DOCK4: variants seen among roughly 807,000 people sequenced by gnomAD.
DOCK4 encodes dedicator of cytokinesis protein 4.
In DOCK4, 97 loss-of-function variants were observed where a neutral mutation model predicts 268.1. That is an observed-to-expected ratio of 0.36 (90% CI 0.31 to 0.43). The LOEUF is 0.43. Ranked by LOEUF, DOCK4 falls within the 20% of genes least tolerant of loss-of-function variation. The pLI is 1.00. For missense variants in DOCK4, 2,145 were observed against 2,455.7 expected (o/e 0.87, Z 2.67); for synonymous variants, 954 against 887.2 (o/e 1.08, Z -1.34).
chr7:111,917,625 G>A (rs893367225), intron 12 of DOCK4, among the ~76,000 whole-genome samples: 54 of 151,996 alleles, frequency 3.6e-4, no homozygotes, highest in African/African-American at 1.3e-3. Context: ...AGAATGGCGT[G>A]GGCCCGGGAG....
intron 1 of DOCK4, among the ~76,000 whole-genome samples, chr7:112,108,993 A>G (rs1313719990): frequency 2.6e-5 from 4 of 152,116 alleles, no homozygotes; most frequent in Non-Finnish European, 5.9e-5. Context: ...GGAGGAGAGC[A>G]GCCATGGAGA....
At position 111,871,984 on chromosome 7, in the gene DOCK4, C is replaced by T. The variant is rs770591223; in HGVS notation, c.2027+6G>A. Reference sequence around the variant, plus strand: ...TCTAAACTAATTACAAGATACAGGGCCTTACCTGTATGCAAGTGCCCCAGC... The same window carrying T: ...TCTAAACTAATTACAAGATACAGGGTCTTACCTGTATGCAAGTGCCCCAGC... On this transcript the variant is annotated splice_donor_region_variant and intron_variant, in intron 20 of 52. Transcript: ENST00000428084. 5.2e-6 allele frequency: 8 copies of T among 1,543,552 alleles called. No individual in the cohort carries two copies. Among genetic ancestry groups the T allele is most frequent in the African/African-American group, 4.1e-5 (3 of 72,842 alleles).
chr7:111,922,792 A>G (rs971391866), intron 12 of DOCK4, among the ~76,000 whole-genome samples: 5 of 151,912 alleles, frequency 3.3e-5, no homozygotes, highest in Admixed American at 6.6e-5. Flanking sequence ...CGTGTTAGCC[A>G]GTATGGTCTC....
At position 111,867,990 on chromosome 7, in the gene DOCK4, C is replaced by T; in HGVS notation, c.2274G>A (p.Gln758=). The change falls in exon 22 of 53, where the codon CAG becomes CAA. Residue 758 remains glutamine, a synonymous_variant. Coordinates refer to ENST00000428084, the MANE Select transcript of DOCK4 (RefSeq NM_001363540.2). ...ATAGATGAAAAGAAATTACCTGTGA[C>T]TGAGATAATGCTCCAGACCCTTTGC... The part of the protein sequence containing the change: ...QESKGSGALS[Q]SQAVFLSSFP... 6.3e-7 allele frequency: 1 copy of T among 1,594,984 alleles called. No homozygotes were observed. Among genetic ancestry groups the T allele is most frequent in the Non-Finnish European group, 8.5e-7 (1 of 1,173,054 alleles).
chr7:111,799,547 T>C (rs957308767), intron 30 of DOCK4, among the ~76,000 whole-genome samples: 1 of 152,152 alleles, frequency 6.6e-6, no homozygotes, highest in Non-Finnish European at 1.5e-5. Context: ...TCTGGATACA[T>C]CACATTCAAG....
intron 16 of DOCK4, among the ~76,000 whole-genome samples, chr7:111,887,754 T>TA (rs527512896): frequency 2.6e-5 from 3 of 117,498 alleles, no homozygotes; most frequent in South Asian, 4.7e-4. Flanking sequence ...GGTGCCTATT[T>TA]AAAAAAAATT....
chr7:111,899,083 G>T (rs1396394990), intron 15 of DOCK4, among the ~76,000 whole-genome samples: 1 of 152,146 alleles, frequency 6.6e-6, no homozygotes. Flanking sequence ...TCCTTTACAT[G>T]AAACTCTTCT....
intron 10 of DOCK4, among the ~76,000 whole-genome samples, chr7:111,941,493 A>G (rs1002648114): frequency 6.6e-5 from 10 of 152,202 alleles, no homozygotes; most frequent in African/African-American, 2.4e-4. Flanking sequence ...TTAGGATGAA[A>G]TATTAATATG....
At chr7:111,783,034 G>C (rs117436533) in intron 34 of DOCK4, 110 bp from the exon 35 acceptor site, 26 of 865,442 alleles carry the variant, frequency 3.0e-5, no homozygotes, top group Middle Eastern at 2.4e-4. Context: ...AAAAAAAAAA[G>C]AAGCCACTTT....
intron 42 of DOCK4, among the ~76,000 whole-genome samples, chr7:111,751,730 C>T (rs1266086004): frequency 6.6e-6 from 1 of 152,122 alleles, no homozygotes; most frequent in Admixed American, 6.5e-5. Context: ...CAGGTATGAG[C>T]CGCCATGCCT....
At chr7:112,018,171 A>AAAAAAAAAAAAAAAAAAAAAAAAAAAAAG (rs1802004941) in intron 1 of DOCK4, among the ~76,000 whole-genome samples, 1 of 136,906 alleles carries the variant, frequency 7.3e-6, no homozygotes, top group Non-Finnish European at 1.6e-5. Flanking sequence ...AAAAAAAAAA[A>AAAAAAAAAAAAAAAAAAAAAAAAAAAAAG]AAAAAAAAAC....
intron 6 of DOCK4, 65 bp from the exon 7 acceptor site, chr7:111,984,455 G>A (rs539177656): frequency 1.4e-6 from 2 of 1,413,854 alleles, no homozygotes; most frequent in Non-Finnish European, 2.0e-6. Context: ...AAAAACAATT[G>A]GTTTTTTACT....
intron 12 of DOCK4, among the ~76,000 whole-genome samples, chr7:111,926,812 G>A (rs888263486): frequency 2.7e-5 from 4 of 148,394 alleles, no homozygotes; most frequent in East Asian, 2.0e-4. Flanking sequence ...CCAGCCTGGC[G>A]ACAGCGTGAG....
At position 111,767,088 on chromosome 7, in the gene DOCK4, T is replaced by C; in HGVS notation, c.3859A>G (p.Lys1287Glu). 3 of 1,613,770 alleles carry C rather than the reference T, an allele frequency of 1.9e-6. No homozygotes were observed. The highest frequency in any genetic ancestry group is 2.5e-6 in the Non-Finnish European group (3 of 1,179,822). ...TAACTCTCATACTGCTCTGCAATCTTCCGGCACAAGATAATGCCATTCTCC... is the reference window on the plus strand; with the variant it reads ...TAACTCTCATACTGCTCTGCAATCTCCCGGCACAAGATAATGCCATTCTCC... ...CWENGIILCR[K>E]IAEQYESYYD... The change falls in exon 38 of 53, where the codon AAG becomes GAG. Residue 1287 changes from lysine (K) to glutamate (E), a missense_variant. Physicochemically the swap from Lys to Glu is moderately conservative, Grantham distance 56. Coordinates refer to ENST00000428084, the MANE Select transcript of DOCK4 (RefSeq NM_001363540.2).
At chr7:111,839,143 CT>C (rs1467987977) in intron 25 of DOCK4, among the ~76,000 whole-genome samples, 1 of 152,178 alleles carries the variant, frequency 6.6e-6, no homozygotes, top group African/African-American at 2.4e-5. Context: ...ACTCATCTTC[CT>C]TCTGCTCAGA....
chr7:111,953,587 G>C (rs1248791883), intron 8 of DOCK4: 1 of 152,238 alleles, frequency 6.6e-6, no homozygotes, highest in Non-Finnish European at 1.5e-5. Context: ...AGGCAATTAA[G>C]AAGTAGGTGC....
chr7:112,167,598 A>G (rs1817714525), intron 1 of DOCK4, among the ~76,000 whole-genome samples: 1 of 152,238 alleles, frequency 6.6e-6, no homozygotes. Context: ...ATACATATTC[A>G]AGGAACTTAT....
intron 8 of DOCK4, among the ~76,000 whole-genome samples, chr7:111,961,846 G>A (rs1293746868): frequency 6.6e-6 from 1 of 152,136 alleles, no homozygotes; most frequent in Non-Finnish European, 1.5e-5. Flanking sequence ...TGGGGCTAGT[G>A]ACTAAACCAA....
chr7:111,864,809 T>C (rs941451476), intron 22 of DOCK4, among the ~76,000 whole-genome samples: 2 of 152,176 alleles, frequency 1.3e-5, no homozygotes, highest in Non-Finnish European at 2.9e-5. Flanking sequence ...CTGATGAAGT[T>C]AAATAAAATG....
Sources: gnomAD v4.1 joint callset for allele counts (sites outside exome capture counted in the v4.1 genomes callset) on GRCh38, gnomAD v4.1.1 for gene constraint, MANE v1.5 for transcripts, NCBI Gene and HGNC (gene_info 2026-07-23, HGNC 2026-07-21) for gene names.